The following TTC7B variants were observed in gnomAD, a reference collection of about 807,000 sequenced individuals.
TTC7B encodes the protein tetratricopeptide repeat domain 7B, also known as tetratricopeptide repeat protein 7B.
Under a neutral mutation model 106.8 loss-of-function variants are expected in TTC7B, and 28 were observed. The ratio of observed to expected loss-of-function variants is 0.26; its 90% CI spans 0.19 to 0.36. The LOEUF (loss-of-function observed/expected upper bound fraction) is 0.36, where lower values mean the gene tolerates loss of function less well. TTC7B is among the 10% of genes least tolerant of loss of function. The probability of loss-of-function intolerance (pLI) is 1.00; values close to 1 mark genes in which losing one functional copy is unlikely to be tolerated. For synonymous variants in TTC7B, 405 were observed against 430.6 expected (o/e 0.94, Z 0.74); for missense variants, 862 against 1,076.4 (o/e 0.80, Z 2.79).
At chr14:90,589,680 G>C (rs1891872161) in intron 18 of TTC7B, among the ~76,000 whole-genome samples, 1 of 152,140 alleles carries the variant, frequency 6.6e-6, no homozygotes, top group African/African-American at 2.4e-5. Context: ...GAGTGGGGGA[G>C]CTCAAACCAC....
At chr14:90,636,700 T>C (rs1884958931) in intron 15 of TTC7B, among the ~76,000 whole-genome samples, 1 of 151,970 alleles carries the variant, frequency 6.6e-6, no homozygotes, top group African/African-American at 2.4e-5. Flanking sequence ...TCTTTAAACA[T>C]AATTTAATGA....
chr14:90,738,987 T>C (rs1367837983), intron 4 of TTC7B, among the ~76,000 whole-genome samples: 1 of 152,122 alleles, frequency 6.6e-6, no homozygotes, highest in African/African-American at 2.4e-5. Flanking sequence ...ATTGCACCAC[T>C]GCACTCCAGC....
chr14:90,660,964 C>T (rs542793667), intron 9 of TTC7B, among the ~76,000 whole-genome samples: 84 of 152,340 alleles, frequency 5.5e-4, no homozygotes, highest in African/African-American at 1.5e-3. Context: ...CCTCATCCTA[C>T]GCCATGGGAC....
chr14:90,603,470 AT>A (rs990732666), intron 17 of TTC7B, among the ~76,000 whole-genome samples: 8 of 150,740 alleles, frequency 5.3e-5, no homozygotes, highest in East Asian at 1.9e-4. Context: ...TTCCACTAAC[AT>A]TTTTTTTTTA....
At chr14:90,688,815 A>G (rs1477599558) in intron 7 of TTC7B, among the ~76,000 whole-genome samples, 2 of 151,904 alleles carry the variant, frequency 1.3e-5, no homozygotes, top group East Asian at 3.9e-4. Context: ...ATAAAAAATA[A>G]AAAAAATTTA....
intron 19 of TTC7B, among the ~76,000 whole-genome samples, chr14:90,572,188 A>G (rs1228871990): frequency 6.6e-6 from 1 of 152,218 alleles, no homozygotes; most frequent in Non-Finnish European, 1.5e-5. Context: ...CTCATCACGC[A>G]TAATGGGATG....
intron 5 of TTC7B, among the ~76,000 whole-genome samples, chr14:90,702,420 T>C (rs567603782): frequency 6.6e-6 from 1 of 152,204 alleles, no homozygotes; most frequent in Admixed American, 6.5e-5. Context: ...AACAACTGTA[T>C]CCACCTCATT....
intron 3 of TTC7B, among the ~76,000 whole-genome samples, chr14:90,771,050 G>C (rs1726987013): frequency 6.6e-6 from 1 of 152,152 alleles, no homozygotes; most frequent in Non-Finnish European, 1.5e-5. Flanking sequence ...GGGGGTGGGA[G>C]GGGAATGGGG....
chr14:90,542,039 A>G (rs374634690), intron 19 of TTC7B, among the ~76,000 whole-genome samples: 10 of 152,134 alleles, frequency 6.6e-5, no homozygotes, highest in African/African-American at 2.2e-4. Context: ...TCCCGGGTTC[A>G]TGCCATTCTC....
intron 3 of TTC7B, among the ~76,000 whole-genome samples, chr14:90,755,952 G>A (rs1016907261): frequency 6.6e-6 from 1 of 152,224 alleles, no homozygotes; most frequent in Non-Finnish European, 1.5e-5. Context: ...AATTTGTTTT[G>A]AGGGGTAGCT....
chr14:90,550,665 G>A (rs1356754070), intron 19 of TTC7B, among the ~76,000 whole-genome samples: 1 of 152,142 alleles, frequency 6.6e-6, no homozygotes, highest in Admixed American at 6.5e-5. Context: ...GAGAGGAGGG[G>A]GGGCCCTTCC....
chr14:90,559,380 G>A (rs1890471823), intron 19 of TTC7B, among the ~76,000 whole-genome samples: 1 of 152,238 alleles, frequency 6.6e-6, no homozygotes, highest in Admixed American at 6.5e-5. Context: ...TGCAGTGGCG[G>A]TTCTGTGCCC....
At chr14:90,573,334 G>A (rs1421058437) in intron 19 of TTC7B, among the ~76,000 whole-genome samples, 4 of 151,424 alleles carry the variant, frequency 2.6e-5, no homozygotes, top group Non-Finnish European at 4.4e-5. Context: ...TCTTTCCATG[G>A]TTCTCAGTGC....
At chr14:90,662,131 T>C (rs1310034563) in intron 9 of TTC7B, among the ~76,000 whole-genome samples, 5 of 152,160 alleles carry the variant, frequency 3.3e-5, no homozygotes, top group African/African-American at 1.2e-4. Flanking sequence ...TCTTCTGATT[T>C]TGGCAGGGGG....
At chr14:90,756,211 T>C (rs573476463) in intron 3 of TTC7B, among the ~76,000 whole-genome samples, 2 of 152,294 alleles carry the variant, frequency 1.3e-5, no homozygotes, top group South Asian at 4.1e-4. Flanking sequence ...AGGAGTCCTG[T>C]GCTTGCTCCA....
Position 90,695,573 on chromosome 14 carries a change from A to C in TTC7B, c.704T>G (p.Leu235Trp). 1 of 1,597,764 alleles carries C rather than the reference A, an allele frequency of 6.3e-7. No individual in the cohort carries two copies. Among genetic ancestry groups the C allele is most frequent in the Non-Finnish European group, 8.5e-7 (1 of 1,172,984 alleles). Residue 235 changes from leucine (L) to tryptophan (W), a missense_variant, in exon 6 of 20, where the codon TTG becomes TGG. Coordinates refer to ENST00000328459, the MANE Select transcript of TTC7B (RefSeq NM_001010854.2). ...AHVLYFKNGN[L>W]TRGVGRFREL... ...TCTAAATCTTCCGACTCCTCTTGTC[A>C]AGTTCCTGTGTGGACACAGAATTTG...
chr14:90,605,667 G>C (rs1417955308), intron 17 of TTC7B: 2 of 1,289,230 alleles, frequency 1.6e-6, no homozygotes, highest in Admixed American at 2.3e-5. Flanking sequence ...CAAAGGTATC[G>C]GGTTTGGGAG....
At chr14:90,752,775 C>A (rs913620645) in intron 3 of TTC7B, among the ~76,000 whole-genome samples, 4 of 152,222 alleles carry the variant, frequency 2.6e-5, no homozygotes, top group Non-Finnish European at 2.9e-5. Flanking sequence ...CAGGTTCCGA[C>A]CCCTGGTCTA....
At chr14:90,559,028 C>T (rs1352941175) in intron 19 of TTC7B, among the ~76,000 whole-genome samples, 1 of 152,236 alleles carries the variant, frequency 6.6e-6, no homozygotes, top group Non-Finnish European at 1.5e-5. Context: ...CAACTGAGCT[C>T]TTATCAGTTA....
Sources: allele counts gnomAD v4.1 joint callset (sites outside exome capture counted in the v4.1 genomes callset), GRCh38; gene constraint gnomAD v4.1.1; transcripts MANE v1.5; gene names NCBI Gene and HGNC (gene_info 2026-07-23, HGNC 2026-07-21).